Variants in ZNF600 observed in about 807,000 individuals in gnomAD.
ZNF600 encodes the protein zinc finger protein KR-ZNF1.
ZNF600 carries 4 observed loss-of-function variants against 7.3 expected under a neutral mutation model. The observed-to-expected ratio is 0.55, with a 90% confidence interval of 0.27 to 1.25. The LOEUF is 1.25. Ranked by LOEUF, ZNF600 falls within the 50% of genes most tolerant of loss-of-function variation. The pLI is 0.12. For missense variants in ZNF600, 911 were observed against 922.1 expected, an observed-to-expected ratio of 0.99 and a Z score of 0.16; for synonymous variants, 290 against 308.9, an observed-to-expected ratio of 0.94 and a Z score of 0.64.
chr19:52,816,581 A>G, the ZNF600 span, among the ~76,000 whole-genome samples: 1 of 144,790 alleles, frequency 6.9e-6, no homozygotes, highest in South Asian at 2.3e-4. Context: ...GGAGAATGGC[A>G]TGAACCCAGG....
chr19:52,815,412 G>A, the ZNF600 span, among the ~76,000 whole-genome samples: 1 of 145,580 alleles, frequency 6.9e-6, no homozygotes, highest in Non-Finnish European at 1.5e-5. Flanking sequence ...AGCTACTCGA[G>A]AGTCTGAAGC....
At chr19:52,784,769 A>G (rs534427302) in intron 1 of ZNF600, among the ~76,000 whole-genome samples, 1 of 152,254 alleles carries the variant, frequency 6.6e-6, no homozygotes, top group Non-Finnish European at 1.5e-5. Context: ...TGCTCTTTTG[A>G]CCAGGCTGGA....
exon 4 of ZNF600, chr19:52,766,738 T>C: frequency 3.7e-6 from 6 of 1,613,814 alleles, no homozygotes; most frequent in Non-Finnish European, 5.1e-6. Flanking sequence ...GAATTCCATG[T>C]GAAAGCTGTG....
chr19:52,816,674 A>G, the ZNF600 span, among the ~76,000 whole-genome samples: 3 of 27,280 alleles, frequency 1.1e-4, 1 homozygote, highest in Non-Finnish European at 4.7e-4. Flanking sequence ...CAAAAAAAGA[A>G]AAAAAAAATT....
At chr19:52,793,853 C>T in the ZNF600 span, among the ~76,000 whole-genome samples, 11 of 150,920 alleles carry the variant, frequency 7.3e-5, no homozygotes, top group African/African-American at 2.7e-4. Context: ...TTCATGTATA[C>T]GTGTAACTTT....
intron 3 of ZNF600, among the ~76,000 whole-genome samples, chr19:52,773,650 C>T (rs1008468284): frequency 1.3e-4 from 20 of 152,104 alleles, no homozygotes; most frequent in Admixed American, 3.3e-4. Context: ...ATGGGTGGAT[C>T]ACAAGGTCAG....
chr19:52,777,611 C>A (rs1430386611), intron 2 of ZNF600, among the ~76,000 whole-genome samples: 1 of 152,152 alleles, frequency 6.6e-6, no homozygotes, highest in African/African-American at 2.4e-5. Flanking sequence ...ACAGGCAGAT[C>A]ATGAGGTCAG....
chr19:52,767,397 G>C (rs138980216), exon 4 of ZNF600: 1 of 1,614,100 alleles, frequency 6.2e-7, no homozygotes, highest in African/African-American at 1.3e-5. Flanking sequence ...TGTTGAAACC[G>C]AGGGAGCATC....
chr19:52,816,623 CA>C, the ZNF600 span, among the ~76,000 whole-genome samples: 1 of 130,294 alleles, frequency 7.7e-6, no homozygotes, highest in Non-Finnish European at 1.6e-5. Flanking sequence ...AAGATCATAC[CA>C]AAGCACTCCA....
intron 1 of ZNF600, 51 bp from the exon 2 acceptor site, chr19:52,781,515 C>G (rs1031096485): frequency 6.6e-6 from 1 of 152,072 alleles, no homozygotes; most frequent in Non-Finnish European, 1.5e-5. Context: ...CCTTGTAATC[C>G]CAGCACTTTG....
the ZNF600 span, among the ~76,000 whole-genome samples, chr19:52,829,571 A>C: frequency 1.4e-3 from 219 of 151,582 alleles, 2 homozygotes; most frequent in Admixed American, 0.013. Flanking sequence ...ATGGGGTTTT[A>C]CCATGTTGGC....
intron 1 of ZNF600, among the ~76,000 whole-genome samples, chr19:52,783,551 C>T (rs2062740516): frequency 6.6e-6 from 1 of 152,080 alleles, no homozygotes; most frequent in Non-Finnish European, 1.5e-5. Context: ...TTAGTAGAGA[C>T]AGGGTTTCAC....
chr19:52,801,661 C>G, the ZNF600 span: 1 of 1,612,398 alleles, frequency 6.2e-7, no homozygotes, highest in East Asian at 2.2e-5. Flanking sequence ...TTGCCTTGCC[C>G]TGTTGAGAAG....
At chr19:52,800,749 G>A in the ZNF600 span, 34 of 1,612,866 alleles carry the variant, frequency 2.1e-5, no homozygotes, top group Middle Eastern at 1.6e-4. Context: ...GTTGACAGTC[G>A]ATTAAAAACC....
At chr19:52,789,230 C>T (rs572000821), upstream of ZNF600, among the ~76,000 whole-genome samples, 19 of 152,152 alleles carry the variant, frequency 1.2e-4, 1 homozygote, top group Middle Eastern at 3.4e-3. Context: ...AGGTGAAGGC[C>T]CTGAGAAAGG....
At chr19:52,774,980 C>T (rs1196995716) in intron 2 of ZNF600, among the ~76,000 whole-genome samples, 3 of 152,132 alleles carry the variant, frequency 2.0e-5, no homozygotes, top group Non-Finnish European at 2.9e-5. Context: ...TGGTTCACAC[C>T]TGTAATCCTA....
At chr19:52,782,184 T>C (rs1430632208) in intron 1 of ZNF600, among the ~76,000 whole-genome samples, 2 of 152,018 alleles carry the variant, frequency 1.3e-5, no homozygotes, top group Non-Finnish European at 2.9e-5. Context: ...GCTGTGATCC[T>C]GCCACTGCAC....
chr19:52,785,682 T>C (rs948572282), intron 1 of ZNF600, among the ~76,000 whole-genome samples: 1 of 152,074 alleles, frequency 6.6e-6, no homozygotes, highest in Non-Finnish European at 1.5e-5. Context: ...GTTATACCCC[T>C]CTGTCCCCAC....
At chr19:52,793,809 CACACACACA>C in the ZNF600 span, among the ~76,000 whole-genome samples, 3 of 112,476 alleles carry the variant, frequency 2.7e-5, no homozygotes, top group East Asian at 4.3e-4. Flanking sequence ...CACACACACA[CACACACACA>C]AAAGTGATGT....
Sources: allele counts gnomAD v4.1 joint callset (sites outside exome capture counted in the v4.1 genomes callset), GRCh38; gene constraint gnomAD v4.1.1; transcripts MANE v1.5; gene names NCBI Gene and HGNC (gene_info 2026-07-23, HGNC 2026-07-21).